Variants in CSMD1 observed in about 807,000 individuals in gnomAD.
CSMD1 encodes the protein CUB and sushi domain-containing protein 1.
CSMD1 carries 213 observed loss-of-function variants against 417.5 expected under a neutral mutation model. The observed-to-expected ratio is 0.51, with a 90% CI of 0.46 to 0.57. The LOEUF is 0.57. Ranked by LOEUF, CSMD1 falls within the 20% of genes least tolerant of loss-of-function variation. The pLI is 0.00. For synonymous variants in CSMD1, 2,862 were observed against 1,736.8 expected (o/e 1.65, Z -16.11); for missense variants, 6,923 against 4,529.7 (o/e 1.53, Z -15.17).
chr8:3,975,213 T>A (rs756435444), intron 5 of CSMD1, among the ~76,000 whole-genome samples: 1 of 152,200 alleles, frequency 6.6e-6, no homozygotes. Flanking sequence ...TGTTACATAA[T>A]TGATTACTTG....
At chr8:4,318,118 T>C (rs546511779) in intron 3 of CSMD1, among the ~76,000 whole-genome samples, 5 of 152,276 alleles carry the variant, frequency 3.3e-5, no homozygotes, top group African/African-American at 1.2e-4. Flanking sequence ...CATTCCAAAA[T>C]TTTATGCAAC....
chr8:3,874,688 A>C (rs1320875894), intron 5 of CSMD1, among the ~76,000 whole-genome samples: 2 of 152,132 alleles, frequency 1.3e-5, no homozygotes, highest in African/African-American at 4.8e-5. Context: ...AAAACTCTGC[A>C]AGTCCCTCCT....
chr8:3,978,546 G>C (rs537159817), intron 5 of CSMD1, among the ~76,000 whole-genome samples: 4 of 152,080 alleles, frequency 2.6e-5, no homozygotes, highest in African/African-American at 9.6e-5. Context: ...TTTGGCAAAG[G>C]GTTTCAAAAA....
chr8:3,436,439 C>A (rs531936305), intron 12 of CSMD1, among the ~76,000 whole-genome samples: 1 of 152,134 alleles, frequency 6.6e-6, no homozygotes, highest in East Asian at 1.9e-4. Context: ...TTGCTACTTA[C>A]GTAATCCCAG....
chr8:3,158,647 AAAC>A (rs1180263689), intron 38 of CSMD1, among the ~76,000 whole-genome samples: 2 of 147,356 alleles, frequency 1.4e-5, no homozygotes, highest in African/African-American at 5.4e-5. Context: ...ATGAAAAAAA[AAAC>A]AAACAGTAGA....
chr8:3,057,368 T>C (rs915836413), intron 49 of CSMD1, among the ~76,000 whole-genome samples: 2 of 152,170 alleles, frequency 1.3e-5, no homozygotes, highest in African/African-American at 4.8e-5. Flanking sequence ...AATCAAATAA[T>C]TAAATTCAAA....
intron 26 of CSMD1, among the ~76,000 whole-genome samples, chr8:3,272,579 C>A (rs566971303): frequency 0.07 from 9,484 of 135,580 alleles, 1,519 homozygotes; most frequent in Non-Finnish European, 0.096. Flanking sequence ...AATGTTCTTC[C>A]ATTTGTTTGT....
chr8:3,312,741 G>T (rs1397167003), intron 23 of CSMD1, among the ~76,000 whole-genome samples: 1 of 152,132 alleles, frequency 6.6e-6, no homozygotes, highest in East Asian at 1.9e-4. Context: ...GAAGAGTGCT[G>T]CCTCCACCGT....
At chr8:2,996,169 C>T (rs1486581981) in intron 54 of CSMD1, among the ~76,000 whole-genome samples, 2 of 149,642 alleles carry the variant, frequency 1.3e-5, no homozygotes, top group African/African-American at 5.0e-5. Context: ...AAAAGGAGGA[C>T]TTTAATGGGA....
chr8:3,437,295 C>G (rs1814627092), intron 12 of CSMD1, among the ~76,000 whole-genome samples: 1 of 152,188 alleles, frequency 6.6e-6, no homozygotes. Flanking sequence ...CGGAGCGGCT[C>G]TCAACACGTC....
intron 28 of CSMD1, among the ~76,000 whole-genome samples, chr8:3,222,586 G>A (rs1481587597): frequency 6.6e-6 from 1 of 152,126 alleles, no homozygotes; most frequent in Non-Finnish European, 1.5e-5. Context: ...TGGGATTACA[G>A]TCATGAACCA....
chr8:3,090,112 T>A (rs553534310), intron 48 of CSMD1, among the ~76,000 whole-genome samples: 34 of 151,666 alleles, frequency 2.2e-4, no homozygotes, highest in Admixed American at 1.2e-3. Context: ...CAGGAGATCG[T>A]GACCATCCTG....
At chr8:3,829,293 C>T (rs1802236491) in intron 5 of CSMD1, among the ~76,000 whole-genome samples, 1 of 152,102 alleles carries the variant, frequency 6.6e-6, no homozygotes, top group Admixed American at 6.5e-5. Context: ...GTTTTCCATT[C>T]CTGAGCTACT....
At chr8:3,609,313 G>A (rs1026061608) in intron 8 of CSMD1, among the ~76,000 whole-genome samples, 4 of 152,018 alleles carry the variant, frequency 2.6e-5, no homozygotes, top group Non-Finnish European at 2.9e-5. Flanking sequence ...CTCAGATATT[G>A]GTATTTGAAT....
At position 4,063,204 on chromosome 8, in the gene CSMD1, A is replaced by T. The variant is rs536325688; in HGVS notation, c.416-31105T>A. Among the ~76,000 whole-genome samples, 29 of 152,292 alleles carry T rather than the reference A, an allele frequency of 1.9e-4. No individual in the cohort carries two copies. In the East Asian group the frequency reaches 4.4e-3, roughly 23 times the overall value. ...TGGATATCATAATTATCCTGATTTG[A>T]TCATGAGACTTTGTGTGCATATTTC... On this transcript the variant is annotated intron_variant, in intron 3 of 69. Coordinates refer to ENST00000635120, the MANE Select transcript of CSMD1 (RefSeq NM_033225.6).
intron 4 of CSMD1, among the ~76,000 whole-genome samples, chr8:4,030,986 G>A (rs1192377138): frequency 6.6e-6 from 1 of 152,082 alleles, no homozygotes; most frequent in African/African-American, 2.4e-5. Flanking sequence ...TTATGAACAA[G>A]TTTCTCATCT....
chr8:3,604,799 G>A (rs766583520), intron 8 of CSMD1, among the ~76,000 whole-genome samples: 3 of 152,076 alleles, frequency 2.0e-5, no homozygotes, highest in South Asian at 2.1e-4. Flanking sequence ...GTATCCAAGG[G>A]CATCAACGTG....
intron 1 of CSMD1, among the ~76,000 whole-genome samples, chr8:4,821,581 T>G (rs548398025): frequency 6.6e-6 from 1 of 152,246 alleles, no homozygotes; most frequent in East Asian, 1.9e-4. Context: ...TAATCAGGGC[T>G]CTTCCTACAG....
intron 40 of CSMD1, among the ~76,000 whole-genome samples, chr8:3,146,977 A>C (rs571696658): frequency 6.6e-5 from 10 of 152,220 alleles, no homozygotes; most frequent in South Asian, 4.1e-4. Context: ...AATCCTCCCA[A>C]GGTGAAAAAC....
Sources: allele counts gnomAD v4.1 joint callset (sites outside exome capture counted in the v4.1 genomes callset), GRCh38; gene constraint gnomAD v4.1.1; transcripts MANE v1.5; gene names NCBI Gene and HGNC (gene_info 2026-07-23, HGNC 2026-07-21).